TPRG1: variants seen among roughly 807,000 people sequenced by gnomAD.
TPRG1 encodes tumor protein p63 regulated 1.
Under a neutral mutation model 29.3 loss-of-function variants are expected in TPRG1, and 29 were observed. The observed-to-expected ratio is 0.99, with a 90% confidence interval of 0.74 to 1.35. TPRG1 has a LOEUF of 1.35. TPRG1 is among the 40% of genes most tolerant of loss of function. TPRG1 has a pLI of 0.00. For synonymous variants in TPRG1, 130 were observed against 116.8 expected (o/e 1.11, Z -0.73); for missense variants, 327 against 335.0 (o/e 0.98, Z 0.19).
intron 1 of TPRG1, among the ~76,000 whole-genome samples, chr3:189,113,827 G>A (rs553996929): frequency 7.1e-4 from 108 of 152,032 alleles, no homozygotes; most frequent in Non-Finnish European, 1.3e-3. Flanking sequence ...TAAATGACGA[G>A]TTAATGGGTG....
At chr3:189,207,680 G>A (rs1008848217) in intron 2 of TPRG1, 86 bp downstream of exon 2, 30 of 1,261,368 alleles carry the variant, frequency 2.4e-5, no homozygotes, top group Non-Finnish European at 3.1e-5. Flanking sequence ...TATTTACTGA[G>A]TGTACTCACA....
chr3:189,269,216 A>G (rs565054509), intron 4 of TPRG1, among the ~76,000 whole-genome samples: 6 of 152,286 alleles, frequency 3.9e-5, no homozygotes, highest in Admixed American at 3.9e-4. Context: ...TGAAAGTTCA[A>G]TGTTTTGGGT....
chr3:189,308,464 G>A lies in TPRG1; in HGVS notation c.480-1922G>A, dbSNP rs1259488200. On this transcript the variant is annotated intron_variant, in intron 4 of 5. Coordinates refer to ENST00000345063, the MANE Select transcript of TPRG1 (RefSeq NM_198485.4). ...ATAGCACTGTGATACTAACAGCTTT[G>A]CTGGATGGCCTGAGAAGCCCCACCC... 2.6e-5 allele frequency among the ~76,000 whole-genome samples: 4 copies of A among 152,218 alleles called. No homozygotes were observed. In the South Asian group the frequency reaches 8.3e-4, roughly 32 times the overall value.
At chr3:189,037,528 AT>A (rs1399225778) in intron 4 of TPRG1, among the ~76,000 whole-genome samples, 1 of 151,946 alleles carries the variant, frequency 6.6e-6, no homozygotes, top group Non-Finnish European at 1.5e-5. Context: ...TTCAGTAAGT[AT>A]TTTTTAAAGA....
At chr3:189,217,438 T>C (rs1207404021) in intron 3 of TPRG1, among the ~76,000 whole-genome samples, 1 of 152,188 alleles carries the variant, frequency 6.6e-6, no homozygotes. Context: ...TACTATCATA[T>C]TTGCTTGTTT....
intron 4 of TPRG1, among the ~76,000 whole-genome samples, chr3:189,027,900 T>C (rs767571513): frequency 6.6e-6 from 1 of 152,132 alleles, no homozygotes; most frequent in Non-Finnish European, 1.5e-5. Context: ...AAAAACTTAT[T>C]ACCGATTCCT....
intron 4 of TPRG1, among the ~76,000 whole-genome samples, chr3:189,303,712 A>G (rs1011670851): frequency 6.6e-6 from 1 of 152,226 alleles, no homozygotes; most frequent in African/African-American, 2.4e-5. Context: ...CACTGTAAGC[A>G]GCCATGTTTA....
At chr3:189,136,416 A>G (rs1326819213) in intron 3 of TPRG1, among the ~76,000 whole-genome samples, 1 of 152,142 alleles carries the variant, frequency 6.6e-6, no homozygotes, top group Non-Finnish European at 1.5e-5. Context: ...CTATTAGGGA[A>G]CATCCCTGAA....
chr3:189,160,375 G>A (rs947425346), intron 5 of TPRG1, among the ~76,000 whole-genome samples: 1 of 152,202 alleles, frequency 6.6e-6, no homozygotes, highest in African/African-American at 2.4e-5. Flanking sequence ...ATAAAATTTG[G>A]TGCTCAGTAA....
chr3:189,153,603 C>T (rs1256072847), intron 5 of TPRG1, among the ~76,000 whole-genome samples: 2 of 152,128 alleles, frequency 1.3e-5, no homozygotes, highest in African/African-American at 4.8e-5. Context: ...CCAGGTAATT[C>T]TTCCTAGATC....
Position 189,143,908 on chromosome 3 carries a change from G to A in TPRG1, c.-290-3676G>A, listed in dbSNP as rs189418962. On this transcript the variant is annotated intron_variant, in intron 3 of 6. Coordinates refer to the TPRG1 transcript ENST00000412373. ...AGCTTGGGCCTCTCTCTCCAATAGC[G>A]TGACTTATTCAATCATTTCCGGTGA... Among the ~76,000 whole-genome samples, 498 of 152,140 alleles carry A rather than the reference G, an allele frequency of 3.3e-3. 1 individual carries two copies. Among genetic ancestry groups the A allele is most frequent in the Non-Finnish European group, 4.9e-3 (330 of 68,012 alleles).
intron 4 of TPRG1, among the ~76,000 whole-genome samples, chr3:189,071,912 G>A (rs899424946): frequency 6.6e-6 from 1 of 152,200 alleles, no homozygotes; most frequent in African/African-American, 2.4e-5. Flanking sequence ...TCTCTGCAGA[G>A]CTGGGTTCGG....
chr3:189,149,627 C>A (rs1725684173), intron 4 of TPRG1, among the ~76,000 whole-genome samples: 1 of 152,204 alleles, frequency 6.6e-6, no homozygotes, highest in South Asian at 2.1e-4. Context: ...AGGCAAAACA[C>A]AAATTCCACC....
chr3:189,299,493 A>G (rs1238599226), intron 4 of TPRG1, among the ~76,000 whole-genome samples: 1 of 152,156 alleles, frequency 6.6e-6, no homozygotes, highest in Non-Finnish European at 1.5e-5. Context: ...CCCTCAAACA[A>G]ACAGGAAACA....
chr3:189,204,932 G>GTC lies in TPRG1; in HGVS notation c.-9-2429_-9-2428dup, dbSNP rs141862299. On this transcript the variant is annotated intron_variant, in intron 1 of 5. Transcript: ENST00000345063. ...TTTCTTTCTCTGTCTCTGTCTCTAT[G>GTC]TCTCTCTCTCTCTCTCACACACACA... 3.8e-3 allele frequency among the ~76,000 whole-genome samples: 509 copies of GTC among 135,158 alleles called. 2 individuals carry two copies. The highest frequency in any genetic ancestry group is 0.012 in the African/African-American group (435 of 36,530). 88.7% of individuals were successfully genotyped at this position (135,158 alleles called of 152,430 possible). A position where few individuals can be genotyped will look rare whatever the true frequency, so the allele number is the denominator to read the frequency against.
chr3:189,303,546 T>G (rs561433634), intron 4 of TPRG1, among the ~76,000 whole-genome samples: 1 of 152,208 alleles, frequency 6.6e-6, no homozygotes, highest in Admixed American at 6.5e-5. Context: ...CATTTTTTTT[T>G]GACTACCAGT....
chr3:189,070,293 A>G (rs1221695448), intron 4 of TPRG1, among the ~76,000 whole-genome samples: 1 of 152,180 alleles, frequency 6.6e-6, no homozygotes, highest in Non-Finnish European at 1.5e-5. Flanking sequence ...GGTGAGTATC[A>G]TTATGAAAGG....
rs1300949875 is a variant in TPRG1 at position 189,321,591 on chromosome 3, G to A, written c.*771G>A. 1.3e-5 allele frequency: 2 copies of A among 151,994 alleles called. No homozygotes were observed. The highest frequency in any genetic ancestry group is 6.6e-5 in the Admixed American group (1 of 15,230). 9.4% of individuals were successfully genotyped at this position (151,994 alleles called of 1,614,324 possible). The stretch of plus-strand genomic sequence containing the variant: ...TCTTATAGCTGTATTATTAGATCAG[G>A]TTTTTAATTCTGCTCAACCAATTAT... On this transcript the variant is annotated 3_prime_UTR_variant, in exon 6 of 6. Coordinates refer to ENST00000345063, the MANE Select transcript of TPRG1 (RefSeq NM_198485.4).
intron 3 of TPRG1, among the ~76,000 whole-genome samples, chr3:189,009,023 T>G (rs1458268384): frequency 6.6e-6 from 1 of 152,102 alleles, no homozygotes; most frequent in Admixed American, 6.6e-5. Context: ...AACTGGGGAT[T>G]TGCTATTTGC....
Sources: gnomAD v4.1 joint callset for allele counts (sites outside exome capture counted in the v4.1 genomes callset) on GRCh38, gnomAD v4.1.1 for gene constraint, MANE v1.5 for transcripts, NCBI Gene and HGNC (gene_info 2026-07-23, HGNC 2026-07-21) for gene names.